DLGAP1: variants seen among roughly 807,000 people sequenced by gnomAD.
The protein encoded by DLGAP1 is disks large-associated protein 1.
A neutral mutation model predicts 90.8 loss-of-function variants in DLGAP1; 11 were observed. That is an observed-to-expected ratio of 0.12 (90% CI 0.08 to 0.20). The LOEUF is 0.20. DLGAP1 is among the 10% of genes least tolerant of loss of function. DLGAP1 has a pLI of 1.00. For missense variants in DLGAP1, 1,050 were observed against 1,333.8 expected (o/e 0.79, Z 3.31); for synonymous variants, 558 against 540.7 (o/e 1.03, Z -0.44).
chr18:4,214,996 G>A (rs2077922568), intron 1 of DLGAP1, among the ~76,000 whole-genome samples: 1 of 152,112 alleles, frequency 6.6e-6, no homozygotes, highest in East Asian at 1.9e-4. Flanking sequence ...TAAGGAAAGA[G>A]ATAAAGAGTT....
At chr18:3,537,044 A>T (rs1259960138) in intron 9 of DLGAP1, among the ~76,000 whole-genome samples, 6 of 147,808 alleles carry the variant, frequency 4.1e-5, no homozygotes, top group Admixed American at 1.4e-4. Context: ...TTTTTTTTTT[A>T]AAGTCGCTTC....
intron 2 of DLGAP1, among the ~76,000 whole-genome samples, chr18:4,089,885 A>C (rs1012865640): frequency 6.6e-6 from 1 of 152,160 alleles, no homozygotes. Context: ...CTCTACTAAA[A>C]ACACAAAAAA....
intron 7 of DLGAP1, among the ~76,000 whole-genome samples, chr18:3,707,019 A>T (rs960057942): frequency 6.6e-6 from 1 of 152,346 alleles, no homozygotes; most frequent in Non-Finnish European, 1.5e-5. Context: ...ACATCAAAGT[A>T]TTACGCATGC....
intron 2 of DLGAP1, among the ~76,000 whole-genome samples, chr18:4,064,417 C>T (rs4567825): frequency 0.43 from 65,304 of 150,958 alleles, 15,042 homozygotes; most frequent in African/African-American, 0.6. Flanking sequence ...CGAGATTTTT[C>T]TTGAAAAAAT....
At chr18:3,720,577 C>T (rs1043328066) in intron 7 of DLGAP1, among the ~76,000 whole-genome samples, 1 of 152,118 alleles carries the variant, frequency 6.6e-6, no homozygotes, top group Non-Finnish European at 1.5e-5. Context: ...GGATTTACCA[C>T]CTGGAGCTGA....
At chr18:4,430,600 A>G (rs1420824067) in intron 1 of DLGAP1, 1 of 151,942 alleles carries the variant, frequency 6.6e-6, no homozygotes, top group African/African-American at 2.4e-5. Context: ...TTATTGAGGT[A>G]TAATTCACCA....
At chr18:3,620,854 G>A (rs971303170) in intron 7 of DLGAP1, among the ~76,000 whole-genome samples, 1 of 152,094 alleles carries the variant, frequency 6.6e-6, no homozygotes, top group South Asian at 2.1e-4. Flanking sequence ...CACCACGTCC[G>A]GCCTGGTATC....
At chr18:4,366,219 A>G (rs74927991) in intron 1 of DLGAP1, among the ~76,000 whole-genome samples, 4,635 of 152,190 alleles carry the variant, frequency 0.03, 102 homozygotes, top group Non-Finnish European at 0.043. Flanking sequence ...GGTCCTAAAT[A>G]CTGAATAATC....
intron 5 of DLGAP1, among the ~76,000 whole-genome samples, chr18:3,811,783 A>G (rs1172041776): frequency 1.3e-5 from 2 of 152,204 alleles, no homozygotes; most frequent in African/African-American, 4.8e-5. Context: ...AATGAGAAAG[A>G]AAGAGTTTCA....
Position 4,420,474 on chromosome 18 carries a change from G to C in DLGAP1, c.-267+34532C>G, listed in dbSNP as rs149932292. ...ACATTTTAAAATAATATAAAGTCAAGTTCCTACTTTATCTTTCGTTTCTAC... is the reference window on the plus strand; with the variant it reads ...ACATTTTAAAATAATATAAAGTCAACTTCCTACTTTATCTTTCGTTTCTAC... On this transcript the variant is annotated intron_variant, in intron 1 of 12. Coordinates refer to ENST00000315677, the MANE Select transcript of DLGAP1 (RefSeq NM_004746.4). 3.5e-4 allele frequency among the ~76,000 whole-genome samples: 54 copies of C among 152,176 alleles called. 1 individual carries two copies. The highest frequency in any genetic ancestry group is 1.0e-3 in the African/African-American group (42 of 41,524).
At chr18:4,086,583 T>C (rs1474558681) in intron 2 of DLGAP1, among the ~76,000 whole-genome samples, 1 of 152,210 alleles carries the variant, frequency 6.6e-6, no homozygotes, top group Non-Finnish European at 1.5e-5. Flanking sequence ...CTGTGTTATT[T>C]AATTTTAAGA....
chr18:4,074,807 C>T (rs2075499923), intron 2 of DLGAP1, among the ~76,000 whole-genome samples: 1 of 151,994 alleles, frequency 6.6e-6, no homozygotes, highest in East Asian at 1.9e-4. Context: ...CTTTCTTGTC[C>T]CAAAAATGTA....
At chr18:3,999,518 T>G (rs934088318) in intron 3 of DLGAP1, among the ~76,000 whole-genome samples, 3 of 152,184 alleles carry the variant, frequency 2.0e-5, no homozygotes, top group Non-Finnish European at 4.4e-5. Context: ...TGCCTTACAT[T>G]TCTACTCTTT....
chr18:4,271,172 A>G (rs1006457272), intron 1 of DLGAP1, among the ~76,000 whole-genome samples: 3 of 152,172 alleles, frequency 2.0e-5, no homozygotes, highest in African/African-American at 7.2e-5. Flanking sequence ...AGTTTTACAA[A>G]GAACTCAAGC....
chr18:4,276,196 C>A (rs2079409800), intron 1 of DLGAP1, among the ~76,000 whole-genome samples: 1 of 145,276 alleles, frequency 6.9e-6, no homozygotes, highest in Admixed American at 6.9e-5. Context: ...TAATGCAGGG[C>A]AGGAGACAGG....
chr18:3,975,552 G>A (rs1248890726), intron 3 of DLGAP1, among the ~76,000 whole-genome samples: 1 of 152,156 alleles, frequency 6.6e-6, no homozygotes, highest in Non-Finnish European at 1.5e-5. Flanking sequence ...ATTACCGTAT[G>A]ATCCAGCAAT....
At chr18:3,770,838 G>A (rs2064497704) in intron 5 of DLGAP1, 1 of 152,174 alleles carries the variant, frequency 6.6e-6, no homozygotes, top group African/African-American at 2.4e-5. Context: ...TACAAAGACA[G>A]AAATAATGAG....
At chr18:3,750,436 G>C (rs1446716893) in intron 5 of DLGAP1, among the ~76,000 whole-genome samples, 1 of 152,166 alleles carries the variant, frequency 6.6e-6, no homozygotes, top group Non-Finnish European at 1.5e-5. Flanking sequence ...ACATACACGT[G>C]CATGTGTCCT....
At chr18:3,792,851 C>T (rs2065801387) in intron 5 of DLGAP1, among the ~76,000 whole-genome samples, 1 of 152,206 alleles carries the variant, frequency 6.6e-6, no homozygotes, top group South Asian at 2.1e-4. Flanking sequence ...GCCCTGCTTC[C>T]TGGACAGAGC....
Sources: gnomAD v4.1 joint callset for allele counts (sites outside exome capture counted in the v4.1 genomes callset) on GRCh38, gnomAD v4.1.1 for gene constraint, MANE v1.5 for transcripts, NCBI Gene and HGNC (gene_info 2026-07-23, HGNC 2026-07-21) for gene names.